TAF1A: variants seen among roughly 807,000 people sequenced by gnomAD.
TAF1A encodes the protein TATA-box binding protein associated factor, RNA polymerase I subunit A, also known as TATA box-binding protein-associated factor RNA polymerase I subunit A.
In TAF1A, 42 loss-of-function variants were observed where a neutral mutation model predicts 61.6. The observed-to-expected ratio is 0.68, with a 90% CI of 0.53 to 0.88. The LOEUF (loss-of-function observed/expected upper bound fraction) is 0.88. Among genes scored for constraint, TAF1A ranks in the 40% least tolerant of loss-of-function variants. The pLI, the probability that TAF1A is intolerant of heterozygous loss-of-function variation, is 0.00. For synonymous variants in TAF1A, 179 were observed against 177.7 expected (o/e 1.01, Z -0.06); for missense variants, 424 against 518.7 (o/e 0.82, Z 1.77).
At chr1:222,559,354 T>C (rs1359739395) in intron 10 of TAF1A, among the ~76,000 whole-genome samples, 1 of 152,242 alleles carries the variant, frequency 6.6e-6, no homozygotes, top group African/African-American at 2.4e-5. Context: ...GGAGACCATG[T>C]AGCTCTCACA....
intron 5 of TAF1A, among the ~76,000 whole-genome samples, chr1:222,572,975 T>C (rs929076749): frequency 2.0e-5 from 3 of 152,124 alleles, no homozygotes; most frequent in Non-Finnish European, 2.9e-5. Context: ...ACCATCAAGA[T>C]AGTGAAAAGA....
At chr1:222,566,429 A>G (rs1447613984) in intron 7 of TAF1A, among the ~76,000 whole-genome samples, 1 of 152,224 alleles carries the variant, frequency 6.6e-6, no homozygotes, top group African/African-American at 2.4e-5. Flanking sequence ...TGTGCACTTT[A>G]TATTATTACA....
At chr1:222,556,213 C>T (rs114971917), downstream of TAF1A, among the ~76,000 whole-genome samples, 438 of 152,300 alleles carry the variant, frequency 2.9e-3, 1 homozygote, top group Non-Finnish European at 5.0e-3. Context: ...TGTGGGGGTG[C>T]CCTGTGCCCT....
chr1:222,581,099 CA>C (rs1660772744), intron 3 of TAF1A, among the ~76,000 whole-genome samples: 1 of 151,844 alleles, frequency 6.6e-6, no homozygotes, highest in African/African-American at 2.4e-5. Context: ...GACTCCATCT[CA>C]AAAAATAAAA....
chr1:222,562,586 G>A, intron 9 of TAF1A, among the ~76,000 whole-genome samples: 1 of 152,112 alleles, frequency 6.6e-6, no homozygotes, highest in African/African-American at 2.4e-5. Context: ...ATAAATATAT[G>A]AAACAACTTT....
rs776425234 is a variant in TAF1A at position 222,577,430 on chromosome 1, C to T, written c.604+15G>A. On this transcript the variant is annotated intron_variant, in intron 5 of 10. Transcript: ENST00000352967. ...CAGTCTCATCATAAGAAAAAGTTTA[C>T]CTGTATTCACTTACCAAGCTTTGAC... is the stretch of plus-strand genomic sequence containing the variant. 3 of 1,610,676 alleles carry T rather than the reference C, an allele frequency of 1.9e-6. No individual in the cohort carries two copies. The highest frequency in any genetic ancestry group is 2.5e-6 in the Non-Finnish European group (3 of 1,177,514).
chr1:222,578,899 T>C (rs1032618207), intron 4 of TAF1A, among the ~76,000 whole-genome samples: 21 of 152,318 alleles, frequency 1.4e-4, no homozygotes, highest in Admixed American at 1.4e-3. Flanking sequence ...AGACTCTTAT[T>C]GAGAAATGAG....
chr1:222,571,163 A>G (rs1660334912), intron 5 of TAF1A, among the ~76,000 whole-genome samples: 2 of 152,142 alleles, frequency 1.3e-5, no homozygotes, highest in Admixed American at 6.5e-5. Context: ...ACACAGAAAA[A>G]GCATCTGAAA....
rs35877231 is a variant in TAF1A at position 222,563,923 on chromosome 1, G to C, written c.961+136C>G. The C allele has an allele frequency of 4.8e-6, 3 of 626,438 alleles. No homozygotes were observed. The African/African-American group carries it at 5.8e-5, about 12-fold the overall frequency. The allele number at this position is 626,438 out of a possible 1,614,324, so 38.8% of individuals were successfully genotyped here. A position where few individuals can be genotyped will look rare whatever the true frequency, so the allele number is the denominator to read the frequency against. ...TGCAAAAGCAGCCGCAGACAATACA[G>C]AAACAGATGGACTCCAACAGAACTT... is the stretch of plus-strand genomic sequence containing the variant. On this transcript the variant is annotated intron_variant, in intron 8 of 10. Coordinates refer to ENST00000352967, the MANE Select transcript of TAF1A (RefSeq NM_005681.4).
chr1:222,559,261 T>C (rs2102633512), intron 10 of TAF1A, among the ~76,000 whole-genome samples: 1 of 152,352 alleles, frequency 6.6e-6, no homozygotes. Flanking sequence ...TCTTAGGATG[T>C]GAAGGATTAG....
intron 2 of TAF1A, among the ~76,000 whole-genome samples, chr1:222,585,810 T>A (rs939761195): frequency 2.0e-5 from 3 of 148,750 alleles, no homozygotes; most frequent in Admixed American, 6.7e-5. Context: ...AGCTTGTTCA[T>A]AATTTTTTTT....
At position 222,589,730 on chromosome 1, in the gene TAF1A, C is replaced by G. The variant is rs966695188; in HGVS notation, c.-6G>C. ...GGGCGATATCTGCGGCACTTACCCG[C>G]CTAAATTTAGAGCTCCTCAGTAAAG... is the stretch of plus-strand genomic sequence containing the variant. On this transcript the variant is annotated 5_prime_UTR_variant, in exon 1 of 11. Coordinates refer to ENST00000352967, the MANE Select transcript of TAF1A (RefSeq NM_005681.4). 8.2e-6 allele frequency: 2 copies of G among 244,134 alleles called. No individual in the cohort carries two copies. Among genetic ancestry groups the G allele is most frequent in the Non-Finnish European group, 1.6e-5 (2 of 128,598 alleles). The allele number at this position is 244,134 out of a possible 1,614,324, so 15.1% of individuals were successfully genotyped here.
At chr1:222,587,924 T>C (rs907156737) in intron 2 of TAF1A, among the ~76,000 whole-genome samples, 2 of 151,932 alleles carry the variant, frequency 1.3e-5, no homozygotes, top group Non-Finnish European at 2.9e-5. Flanking sequence ...TGGTGGCTGG[T>C]ACCTGTAATC....
chr1:222,587,339 A>G (rs543230904), intron 2 of TAF1A, among the ~76,000 whole-genome samples: 2 of 152,210 alleles, frequency 1.3e-5, no homozygotes, highest in Non-Finnish European at 2.9e-5. Context: ...GATACCACTT[A>G]AGAGTTTAAT....
intron 5 of TAF1A, among the ~76,000 whole-genome samples, chr1:222,571,451 G>A (rs1277040981): frequency 6.6e-6 from 1 of 152,004 alleles, no homozygotes; most frequent in Non-Finnish European, 1.5e-5. Flanking sequence ...ATCTCTATTT[G>A]CAGATGACAT....
At chr1:222,558,866 CTAA>C (rs993519353) in intron 10 of TAF1A, 94 bp from the exon 11 acceptor site, 18 of 510,316 alleles carry the variant, frequency 3.5e-5, no homozygotes, top group African/African-American at 3.3e-4. Context: ...GTTTAGCACA[CTAA>C]TGATTATGAA....
At chr1:222,559,618 T>C (rs1243168248) in intron 10 of TAF1A, among the ~76,000 whole-genome samples, 1 of 152,188 alleles carries the variant, frequency 6.6e-6, no homozygotes, top group Non-Finnish European at 1.5e-5. Flanking sequence ...ACATATACTG[T>C]ACCTATAGTA....
At chr1:222,561,302 T>C (rs1382833003) in intron 10 of TAF1A, 62 bp downstream of exon 10, 4 of 1,516,326 alleles carry the variant, frequency 2.6e-6, no homozygotes, top group Admixed American at 2.1e-5. Context: ...ATGAAGGCCA[T>C]ACTTCATAAT....
chr1:222,570,523 A>C lies in TAF1A; in HGVS notation c.735+12T>G. ...AAATAAAACCAATAAATTTAATGAA[A>C]ATTCTACTTACTTCTACATAACTCT... On this transcript the variant is annotated intron_variant, in intron 6 of 10. Transcript: ENST00000352967. The C allele has an allele frequency of 6.3e-7, 1 of 1,591,798 alleles. No individual in the cohort carries two copies. Among genetic ancestry groups the C allele is most frequent in the Non-Finnish European group, 8.6e-7 (1 of 1,165,416 alleles).
Sources: gnomAD v4.1 joint callset for allele counts (sites outside exome capture counted in the v4.1 genomes callset) on GRCh38, gnomAD v4.1.1 for gene constraint, MANE v1.5 for transcripts, NCBI Gene and HGNC (gene_info 2026-07-23, HGNC 2026-07-21) for gene names.